The following VWF variants were observed in gnomAD, a reference collection of about 807,000 sequenced individuals.
The protein encoded by VWF is von Willebrand factor.
Under a neutral mutation model 308.6 loss-of-function variants are expected in VWF, and 176 were observed. That is an observed-to-expected ratio of 0.57 (90% CI 0.50 to 0.65). The LOEUF (loss-of-function observed/expected upper bound fraction) is 0.65, where lower values mean the gene tolerates loss of function less well. VWF is among the 30% of genes least tolerant of loss of function. The pLI is 0.00. For missense variants in VWF, 3,146 were observed against 3,648.2 expected (o/e 0.86, Z 3.55); for synonymous variants, 1,385 against 1,443.4 (o/e 0.96, Z 0.92).
At chr12:6,028,433 A>C (rs1025344214) in intron 22 of VWF, among the ~76,000 whole-genome samples, 3 of 152,230 alleles carry the variant, frequency 2.0e-5, no homozygotes, top group Admixed American at 1.3e-4. Context: ...CTCCTCAAGA[A>C]GAGCAACCCC....
At chr12:5,973,945 T>G (rs958821374) in intron 43 of VWF, among the ~76,000 whole-genome samples, 1 of 152,084 alleles carries the variant, frequency 6.6e-6, no homozygotes, top group Non-Finnish European at 1.5e-5. Context: ...GCTTAGAACA[T>G]TCCTGAGAAG....
At chr12:6,062,614 A>G (rs1944666606) in intron 13 of VWF, among the ~76,000 whole-genome samples, 1 of 152,122 alleles carries the variant, frequency 6.6e-6, no homozygotes, top group Admixed American at 6.5e-5. Flanking sequence ...TACTGCCCAC[A>G]GTGGGCACCC....
intron 6 of VWF, among the ~76,000 whole-genome samples, chr12:6,090,246 C>T (rs1230970923): frequency 2.6e-5 from 4 of 152,052 alleles, no homozygotes; most frequent in African/African-American, 9.7e-5. Flanking sequence ...CGTGAGCCAC[C>T]GTGCCCGGCC....
At chr12:6,103,381 T>C (rs529279835) in intron 5 of VWF, among the ~76,000 whole-genome samples, 18 of 130,502 alleles carry the variant, frequency 1.4e-4, no homozygotes, top group South Asian at 2.3e-4. Context: ...TGTGTGTGTA[T>C]ACACGTGTGT....
chr12:6,095,261 C>A, intron 6 of VWF, 199 bp downstream of exon 6: 2 of 752,104 alleles, frequency 2.7e-6, no homozygotes, highest in Non-Finnish European at 2.3e-6. Flanking sequence ...TACACCAAGT[C>A]ATTAGCCCAG....
intron 14 of VWF, 84 bp from the exon 15 acceptor site, chr12:6,057,156 G>C (rs1944589209): frequency 1.6e-6 from 2 of 1,278,894 alleles, no homozygotes; most frequent in South Asian, 1.4e-5. Flanking sequence ...CCTGGAAATA[G>C]CCCAGTGCTG....
intron 50 of VWF, 63 bp from the exon 51 acceptor site, chr12:5,949,946 C>A (rs1328108149): frequency 6.8e-7 from 1 of 1,477,148 alleles, no homozygotes; most frequent in Non-Finnish European, 9.4e-7. Flanking sequence ...CACTCTTCAG[C>A]CCCAGTGCCC....
chr12:6,031,251 C>T (rs1283198135), intron 21 of VWF, among the ~76,000 whole-genome samples, 193 bp downstream of exon 21: 15 of 152,190 alleles, frequency 9.9e-5, no homozygotes, highest in Non-Finnish European at 1.2e-4. Flanking sequence ...ATTGTGTCAT[C>T]CCTATTGTTC....
intron 6 of VWF, among the ~76,000 whole-genome samples, chr12:6,088,934 A>G (rs2136490573): frequency 6.6e-6 from 1 of 152,364 alleles, no homozygotes; most frequent in African/African-American, 2.4e-5. Flanking sequence ...CTAACAAGTA[A>G]TATGACCTGG....
At position 6,075,987 on chromosome 12, in the gene VWF, A is replaced by G. The variant is rs1944839066; in HGVS notation, c.658-436T>C. The stretch of plus-strand genomic sequence containing the variant: ...ATCTTCTTCACTATGAATGAGGGGG[A>G]TGGGACAAGGGGCTTTATAGAGATT... On this transcript the variant is annotated intron_variant, in intron 6 of 51. Transcript: ENST00000261405. The surrounding 1 kb of genome is among the most constrained non-coding windows in gnomAD (Gnocchi z 4.7). Among the ~76,000 whole-genome samples the G allele has an allele frequency of 6.6e-6, 1 of 151,998 alleles. No homozygotes were observed. Among genetic ancestry groups the G allele is most frequent in the Non-Finnish European group, 1.5e-5 (1 of 68,012 alleles).
At chr12:5,983,031 T>C (rs1159548659) in intron 41 of VWF, 119 bp downstream of exon 41, 3 of 1,057,420 alleles carry the variant, frequency 2.8e-6, no homozygotes, top group East Asian at 2.6e-5. Context: ...CCAACCCAGA[T>C]TCAGCTAGGT....
At chr12:6,100,461 T>C (rs1945150251) in intron 5 of VWF, among the ~76,000 whole-genome samples, 2 of 151,224 alleles carry the variant, frequency 1.3e-5, no homozygotes, top group African/African-American at 4.9e-5. Flanking sequence ...ATTGCGGCAC[T>C]ATTCACAATA....
intron 3 of VWF, among the ~76,000 whole-genome samples, chr12:6,118,449 G>A (rs868212766): frequency 1.5e-5 from 2 of 133,746 alleles, no homozygotes; most frequent in Non-Finnish European, 3.1e-5. Flanking sequence ...GTGCAATGGC[G>A]CAATCTCGGC....
Position 5,960,214 on chromosome 12 carries a change from T to C in VWF, c.7888-6620A>G, listed in dbSNP as rs898573407. Among the ~76,000 whole-genome samples, 7 of 151,758 alleles carry C rather than the reference T, an allele frequency of 4.6e-5. No individual in the cohort carries two copies. The South Asian group carries it at 1.2e-3, about 27-fold the overall frequency. On this transcript the variant is annotated intron_variant, in intron 47 of 51. Coordinates refer to ENST00000261405, the MANE Select transcript of VWF (RefSeq NM_000552.5). The stretch of plus-strand genomic sequence containing the variant: ...CTACAGATTCCACAGATATTAAAAG[T>C]ATAATAAGGAAATGTTATAAACAAC...
chr12:5,971,755 A>T, intron 43 of VWF, 46 bp from the exon 44 acceptor site: 1 of 1,534,492 alleles, frequency 6.5e-7, no homozygotes, highest in South Asian at 1.1e-5. Flanking sequence ...AGCAGCAAAG[A>T]CACAGGGGCT....
intron 6 of VWF, among the ~76,000 whole-genome samples, chr12:6,076,071 T>G (rs571687571): frequency 0.017 from 2,566 of 148,668 alleles, 40 homozygotes; most frequent in South Asian, 0.063. Flanking sequence ...TCAGCAAGAT[T>G]TTTTTTTTTT....
Position 6,016,260 on chromosome 12 carries a change from G to A in VWF, c.5312-28C>T, listed in dbSNP as rs746271265. ...GAGGATGGAGAACAGATCACGCCAA[G>A]TCAGTACTGACTGCGGCTCGACACC... On this transcript the variant is annotated intron_variant, in intron 30 of 51. Coordinates refer to ENST00000261405, the MANE Select transcript of VWF (RefSeq NM_000552.5). The A allele has an allele frequency of 1.9e-6, 3 of 1,614,088 alleles. No homozygotes were observed. The South Asian group carries it at 3.3e-5, about 18-fold the overall frequency.
chr12:6,096,997 C>G (rs947299056), intron 5 of VWF, among the ~76,000 whole-genome samples: 2 of 152,134 alleles, frequency 1.3e-5, no homozygotes, highest in Admixed American at 1.3e-4. Context: ...CCCCCCCACA[C>G]CAAAGATATA....
In VWF at chr12:6,123,255, G is replaced by A. The variant is rs1221961463; in HGVS notation, c.1-59C>T. 4 of 1,600,834 alleles carry A rather than the reference G, an allele frequency of 2.5e-6. No homozygotes were observed. In the African/African-American group the frequency reaches 4.0e-5, roughly 16 times the overall value. ...GCTGCCCAGGTAGGCGGCTGCTGGT[G>A]TGGCGACTATCAGGGCATGCAGTAG... On this transcript the variant is annotated intron_variant, in intron 1 of 51. Coordinates refer to ENST00000261405, the MANE Select transcript of VWF (RefSeq NM_000552.5).
Sources: gnomAD v4.1 joint callset for allele counts (sites outside exome capture counted in the v4.1 genomes callset) on GRCh38, gnomAD v4.1.1 for gene constraint, Gnocchi (gnomAD v3.1) non-coding constraint, MANE v1.5 for transcripts, NCBI Gene and HGNC (gene_info 2026-07-23, HGNC 2026-07-21) for gene names.